PAPOLG: variants seen among roughly 807,000 people sequenced by gnomAD.
The protein encoded by PAPOLG is poly(A) polymerase gamma.
PAPOLG carries 40 observed loss-of-function variants against 99.0 expected under a neutral mutation model. That is an observed-to-expected ratio of 0.40 (90% CI 0.31 to 0.53). PAPOLG has a LOEUF of 0.53. PAPOLG is among the 20% of genes least tolerant of loss of function. The pLI is 0.41. For missense variants in PAPOLG, 675 were observed against 884.1 expected, an observed-to-expected ratio of 0.76 and a Z score of 3.00; for synonymous variants, 310 against 299.3, an observed-to-expected ratio of 1.04 and a Z score of -0.37.
intron 1 of PAPOLG, among the ~76,000 whole-genome samples, chr2:60,759,206 A>G (rs1305162490): frequency 6.6e-6 from 1 of 152,096 alleles, no homozygotes; most frequent in African/African-American, 2.4e-5. Context: ...CGTCTCTACT[A>G]AAAATACAAA....
At chr2:60,774,962 G>A (rs1573233275) in intron 7 of PAPOLG, 72 bp from the exon 8 acceptor site, 18 of 1,594,500 alleles carry the variant, frequency 1.1e-5, no homozygotes, top group East Asian at 2.2e-5. Context: ...CGAGAGTCTG[G>A]AAGTTAGGAG....
Position 60,800,277 on chromosome 2 carries a change from C to T in PAPOLG, c.*3117C>T, listed in dbSNP as rs1385213601. 6.6e-6 allele frequency: 1 copy of T among 152,234 alleles called. No homozygotes were observed. The allele number at this position is 152,234 out of a possible 1,614,324, so 9.4% of individuals were successfully genotyped here. ...CTCACCTCACTGCAACCTCTGCCTC[C>T]CGGGTTCAAGTGATTCTCTTGCCTC... On this transcript the variant is annotated 3_prime_UTR_variant, in exon 22 of 22. Transcript: ENST00000238714.
At chr2:60,788,736 T>C (rs1671441605) in intron 15 of PAPOLG, among the ~76,000 whole-genome samples, 1 of 152,178 alleles carries the variant, frequency 6.6e-6, no homozygotes, top group Non-Finnish European at 1.5e-5. Context: ...TCACAAGTGC[T>C]TGTAATCCTA....
At chr2:60,756,583 C>CTT (rs1348580827) in intron 1 of PAPOLG, 88 bp downstream of exon 1, 24 of 1,380,030 alleles carry the variant, frequency 1.7e-5, no homozygotes, top group Non-Finnish European at 2.2e-5. Flanking sequence ...TTCCCTGTCC[C>CTT]TTGCGCCCTG....
rs538295626 is a variant in PAPOLG at position 60,775,004 on chromosome 2, A to G, written c.605-30A>G. On this transcript the variant is annotated intron_variant, in intron 7 of 21. Transcript: ENST00000238714. Reference sequence around the variant, plus strand: ...TGAATTAACTGAGAATTTGCTGCATAGTGAAAAATGAATGCTTTGTCTTTT... The same window carrying G: ...TGAATTAACTGAGAATTTGCTGCATGGTGAAAAATGAATGCTTTGTCTTTT... 296 of 1,611,260 alleles carry G rather than the reference A, an allele frequency of 1.8e-4. 4 individuals are homozygous for G. The South Asian group carries it at 3.1e-3, about 17-fold the overall frequency.
At chr2:60,764,224 C>A (rs1670606289) in intron 3 of PAPOLG, among the ~76,000 whole-genome samples, 1 of 152,128 alleles carries the variant, frequency 6.6e-6, no homozygotes, top group African/African-American at 2.4e-5. Flanking sequence ...CACTAGGTAG[C>A]CCATACTGTT....
chr2:60,783,044 C>A, intron 12 of PAPOLG, 112 bp from the exon 13 acceptor site: 4 of 991,190 alleles, frequency 4.0e-6, no homozygotes, highest in South Asian at 2.3e-5. Context: ...AACTGTGTGC[C>A]TTTATTAGCT....
intron 14 of PAPOLG, 134 bp downstream of exon 14, chr2:60,787,200 G>C: frequency 1.2e-6 from 1 of 860,320 alleles, no homozygotes; most frequent in South Asian, 2.1e-5. Context: ...TTGAGTTTGA[G>C]TGTCTAGGCA....
At chr2:60,776,996 T>G (rs192923868) in intron 8 of PAPOLG, among the ~76,000 whole-genome samples, 1 of 152,358 alleles carries the variant, frequency 6.6e-6, no homozygotes, top group East Asian at 1.9e-4. Context: ...CTTCTTTCTT[T>G]AAACCTTATG....
rs1000721443 is a variant in PAPOLG, at chr2:60,801,531, C to T, written c.*4371C>T. On this transcript the variant is annotated 3_prime_UTR_variant, in exon 22 of 22. Coordinates refer to ENST00000238714, the MANE Select transcript of PAPOLG (RefSeq NM_022894.4). ...CAATCTTGGCTCATTGCAACCTCCACCTCCCAGGTGCAAGCGATTCTCCTA... is the reference window on the plus strand; with the variant it reads ...CAATCTTGGCTCATTGCAACCTCCATCTCCCAGGTGCAAGCGATTCTCCTA... The T allele has an allele frequency of 1.3e-5, 2 of 152,038 alleles. No homozygotes were observed. Among genetic ancestry groups the T allele is most frequent in the Non-Finnish European group, 1.5e-5 (1 of 68,022 alleles). 9.4% of individuals were successfully genotyped at this position (152,038 alleles called of 1,614,324 possible).
At position 60,759,525 on chromosome 2, in the gene PAPOLG, A is replaced by G. The variant is rs895592126; in HGVS notation, c.18-609A>G. Among the ~76,000 whole-genome samples, 8 of 152,318 alleles carry G rather than the reference A, an allele frequency of 5.3e-5. No individual in the cohort carries two copies. The South Asian group carries it at 1.7e-3, about 32-fold the overall frequency. ...ATTTCAATGTGAAGATGGTATGGGTACCAGTCTAAAATGAAGAGAATAATT... is the reference window on the plus strand; with the variant it reads ...ATTTCAATGTGAAGATGGTATGGGTGCCAGTCTAAAATGAAGAGAATAATT... On this transcript the variant is annotated intron_variant, in intron 1 of 21. Transcript: ENST00000238714.
chr2:60,795,139 C>T (rs1051658633), intron 21 of PAPOLG, 119 bp downstream of exon 21: 1 of 827,106 alleles, frequency 1.2e-6, no homozygotes, highest in African/African-American at 1.7e-5. Flanking sequence ...TTGTCCCTGT[C>T]CCCAAGGACT....
At chr2:60,763,564 C>T (rs571328328) in intron 3 of PAPOLG, among the ~76,000 whole-genome samples, 1 of 152,134 alleles carries the variant, frequency 6.6e-6, no homozygotes, top group Admixed American at 6.5e-5. Flanking sequence ...AGTGCAGTGG[C>T]GAGATCTCAG....
In PAPOLG at chr2:60,794,015, A is replaced by G; in HGVS notation, c.1813A>G (p.Thr605Ala). 1 of 1,612,926 alleles carries G rather than the reference A, an allele frequency of 6.2e-7. No homozygotes were observed. Among genetic ancestry groups the G allele is most frequent in the South Asian group, 1.1e-5 (1 of 91,066 alleles). The change falls in exon 19 of 22, where the codon ACC (threonine) becomes GCC (alanine). Residue 605 changes from threonine (T) to alanine (A), a missense_variant. Physicochemically the swap from Thr to Ala is moderately conservative, Grantham distance 58. This residue lies in a region of PAPOLG where 413 missense variants were observed against 460.5 expected (regional missense o/e 0.90). Transcript: ENST00000238714. The stretch of plus-strand genomic sequence containing the variant: ...AACTGTATCACCCCCCACTGTGTGT[A>G]CCATTCCTACCGTAGTAGGACGAAA... ...VKTVSPPTVC[T>A]IPTVVGRNVI...
chr2:60,785,774 C>T (rs1671344328), intron 13 of PAPOLG, among the ~76,000 whole-genome samples: 2 of 151,514 alleles, frequency 1.3e-5, no homozygotes, highest in South Asian at 4.2e-4. Flanking sequence ...TCACGTGATC[C>T]TCCCGCCTCA....
At chr2:60,780,363 C>G (rs538766561) in intron 9 of PAPOLG, among the ~76,000 whole-genome samples, 1 of 151,788 alleles carries the variant, frequency 6.6e-6, no homozygotes, top group East Asian at 1.9e-4. Context: ...GCAGCCTCTG[C>G]CTCCTGGGCT....
At chr2:60,794,596 G>A in intron 19 of PAPOLG, 114 bp from the exon 20 acceptor site, 2 of 851,462 alleles carry the variant, frequency 2.3e-6, no homozygotes, top group Non-Finnish European at 3.6e-6. Flanking sequence ...ACCAATCCAT[G>A]TTTATAGTAA....
chr2:60,770,584 C>A, intron 6 of PAPOLG, 73 bp downstream of exon 6: 1 of 974,702 alleles, frequency 1.0e-6, no homozygotes, highest in Non-Finnish European at 1.5e-6. Context: ...TGAAATCAGG[C>A]TTAACATAAA....
intron 8 of PAPOLG, among the ~76,000 whole-genome samples, chr2:60,777,715 G>A (rs1454625577): frequency 6.6e-6 from 1 of 152,116 alleles, no homozygotes; most frequent in East Asian, 1.9e-4. Context: ...TGAACACTTA[G>A]AGGCCATTAA....
Sources: allele counts gnomAD v4.1 joint callset (sites outside exome capture counted in the v4.1 genomes callset), GRCh38; gene constraint gnomAD v4.1.1; regional missense constraint gnomAD v4.1.1; transcripts MANE v1.5; gene names NCBI Gene and HGNC (gene_info 2026-07-23, HGNC 2026-07-21).